ZFYVE28: variants seen among roughly 807,000 people sequenced by gnomAD.
ZFYVE28 encodes the protein zinc finger FYVE-type containing 28.
In ZFYVE28, 40 loss-of-function variants were observed where a neutral mutation model predicts 82.1. That is an observed-to-expected ratio of 0.49 (90% confidence interval 0.38 to 0.63). The LOEUF is 0.63. Ranked by LOEUF, ZFYVE28 falls within the 30% of genes least tolerant of loss-of-function variation. ZFYVE28 has a pLI of 0.00. For synonymous variants in ZFYVE28, 612 were observed against 546.1 expected, an observed-to-expected ratio of 1.12 and a Z score of -1.68; for missense variants, 1,321 against 1,242.1, an observed-to-expected ratio of 1.06 and a Z score of -0.96.
rs959325487 is a variant in ZFYVE28 at position 2,300,137 on chromosome 4, GACC to G, written c.2051+4149_2051+4151del. Among the ~76,000 whole-genome samples the G allele has an allele frequency of 6.6e-6, 1 of 152,146 alleles. No homozygotes were observed. The highest frequency in any genetic ancestry group is 6.5e-5 in the Admixed American group (1 of 15,278). The stretch of plus-strand genomic sequence containing the variant: ...TTCCAAAGTTTCTACAATGAACAGG[GACC>G]ACATCTATAATTAGCAAACAGGGAG... On this transcript the variant is annotated intron_variant, in intron 8 of 12. Coordinates refer to ENST00000290974, the MANE Select transcript of ZFYVE28 (RefSeq NM_020972.3). The surrounding 1 kb of genome is among the most constrained non-coding windows in gnomAD (Gnocchi z 4.6).
rs528479294 is a variant in ZFYVE28, at chr4:2,283,096, A to G, written c.2052-8880T>C. On this transcript the variant is annotated intron_variant, in intron 8 of 12. Coordinates refer to ENST00000290974, the MANE Select transcript of ZFYVE28 (RefSeq NM_020972.3). ...AATGGTGGGCTGGCTGCTTCTTGTA[A>G]AAGTCATCCATCCATCCACCCACCC... Among the ~76,000 whole-genome samples the G allele has an allele frequency of 4.7e-5, 3 of 64,102 alleles. No homozygotes were observed. In the South Asian group the frequency reaches 1.2e-3, roughly 26 times the overall value. 42.1% of individuals were successfully genotyped at this position (64,102 alleles called of 152,430 possible).
At chr4:2,296,564 G>T (rs1714600091) in intron 8 of ZFYVE28, among the ~76,000 whole-genome samples, 1 of 152,104 alleles carries the variant, frequency 6.6e-6, no homozygotes, top group South Asian at 2.1e-4. Flanking sequence ...CCAGGGGCAT[G>T]AAGTGGGTGG....
Position 2,394,294 on chromosome 4 carries a change from G to T in ZFYVE28, c.39+23991C>A, listed in dbSNP as rs1730188851. The stretch of plus-strand genomic sequence containing the variant: ...CACCTCATAGATTCATGGGTTCCAG[G>T]GATTCACACATGGACACCTTTGGGG... On this transcript the variant is annotated intron_variant, in intron 1 of 12. Transcript: ENST00000290974. This position sits in a 1 kb window ranked among gnomAD's most constrained non-coding sequence, Gnocchi z 4.0. Among the ~76,000 whole-genome samples, 1 of 152,130 alleles carries T rather than the reference G, an allele frequency of 6.6e-6. No individual in the cohort carries two copies. Among genetic ancestry groups the T allele is most frequent in the Admixed American group, 6.5e-5 (1 of 15,276 alleles).
intron 1 of ZFYVE28, among the ~76,000 whole-genome samples, chr4:2,359,931 G>C (rs1381552002): frequency 6.6e-6 from 1 of 152,164 alleles, no homozygotes; most frequent in Non-Finnish European, 1.5e-5. Context: ...TTCCCTGAAA[G>C]ACCCTGGGGA....
At position 2,361,383 on chromosome 4, in the gene ZFYVE28, G is replaced by A. The variant is rs550687152; in HGVS notation, c.40-7310C>T. ...CTAATGTGAGCTGTGGCTGCAGGTG[G>A]GAGGTGCGGGTTGGAGGCACGTGCA... On this transcript the variant is annotated intron_variant, in intron 1 of 12. Coordinates refer to ENST00000290974, the MANE Select transcript of ZFYVE28 (RefSeq NM_020972.3). Among the ~76,000 whole-genome samples, 8 of 152,346 alleles carry A rather than the reference G, an allele frequency of 5.3e-5. No homozygotes were observed. The South Asian group carries it at 8.3e-4, about 16-fold the overall frequency.
chr4:2,279,382 G>A (rs2108802101), intron 8 of ZFYVE28, among the ~76,000 whole-genome samples: 1 of 152,316 alleles, frequency 6.6e-6, no homozygotes, highest in South Asian at 2.1e-4. Context: ...AGTGAGCCAA[G>A]ATCGTGCCAT....
rs1258923667 is a variant in ZFYVE28 at position 2,336,904 on chromosome 4, A to T, written c.611+503T>A. ...GAGTGAGGAGGTGAGGTGAGGAGTT[A>T]GGAGGTGGGGAAGTGAGGAGGTGAG... On this transcript the variant is annotated intron_variant, in intron 5 of 12. Coordinates refer to ENST00000290974, the MANE Select transcript of ZFYVE28 (RefSeq NM_020972.3). 1.3e-4 allele frequency among the ~76,000 whole-genome samples: 15 copies of T among 117,718 alleles called. No homozygotes were observed. In the Admixed American group the frequency reaches 1.3e-3, roughly 10 times the overall value. 77.2% of individuals were successfully genotyped at this position (117,718 alleles called of 152,430 possible).
intron 1 of ZFYVE28, among the ~76,000 whole-genome samples, chr4:2,391,733 T>TCC (rs1729852220): frequency 1.0e-5 from 1 of 98,848 alleles, no homozygotes; most frequent in Non-Finnish European, 2.3e-5. Context: ...AAGTCAATTC[T>TCC]CTCTCTCTTT....
At chr4:2,333,162 C>T (rs1297514412) in intron 6 of ZFYVE28, among the ~76,000 whole-genome samples, 1 of 151,224 alleles carries the variant, frequency 6.6e-6, no homozygotes, top group Non-Finnish European at 1.5e-5. Flanking sequence ...GCCTCCCTCC[C>T]CAACCTCCCT....
At position 2,375,188 on chromosome 4, in the gene ZFYVE28, A is replaced by C. The variant is rs564853690; in HGVS notation, c.40-21115T>G. Among the ~76,000 whole-genome samples the C allele has an allele frequency of 1.5e-4, 23 of 152,170 alleles. 2 individuals carry two copies. The South Asian group carries it at 4.6e-3, about 30-fold the overall frequency. ...AATGCGGAGCCACCGTGGCTTTTCC[A>C]AGAAAGCTTTTCCCCGCAGCCTCGG... is the stretch of plus-strand genomic sequence containing the variant. On this transcript the variant is annotated intron_variant, in intron 1 of 12. Coordinates refer to ENST00000290974, the MANE Select transcript of ZFYVE28 (RefSeq NM_020972.3).
In ZFYVE28 at chr4:2,308,659, A is replaced by AAGAAAGAAAGAG. The variant is rs1716985707; in HGVS notation, c.804-3124_804-3123insCTCTTTCTTTCT. 3.9e-5 allele frequency among the ~76,000 whole-genome samples: 5 copies of AAGAAAGAAAGAG among 127,238 alleles called. No homozygotes were observed. The East Asian group carries it at 1.0e-3, about 26-fold the overall frequency. 83.5% of individuals were successfully genotyped at this position (127,238 alleles called of 152,430 possible). Reference sequence around the variant, plus strand: ...AAAGAAAGAAAGAAAGAAAGAAAGAAAGAAAGAAAGAAAGAAAGAGAAAGA... The same window carrying AAGAAAGAAAGAG: ...AAAGAAAGAAAGAAAGAAAGAAAGAAAGAAAGAAAGAGAGAAAGAAAGAAAGAAAGAGAAAGA... On this transcript the variant is annotated intron_variant, in intron 7 of 12. Coordinates refer to ENST00000290974, the MANE Select transcript of ZFYVE28 (RefSeq NM_020972.3).
Position 2,311,996 on chromosome 4 carries a change from A to G in ZFYVE28, c.804-6460T>C, listed in dbSNP as rs546409141. Among the ~76,000 whole-genome samples the G allele has an allele frequency of 3.3e-5, 5 of 152,306 alleles. No homozygotes were observed. In the South Asian group the frequency reaches 1.0e-3, roughly 32 times the overall value. ...AAGAAAATTAAAGGGGGCAAATTAG[A>G]TAAGAGGATGAAGAATTTAAACAGA... On this transcript the variant is annotated intron_variant, in intron 7 of 12. Coordinates refer to ENST00000290974, the MANE Select transcript of ZFYVE28 (RefSeq NM_020972.3).
chr4:2,377,272 C>T (rs1276129265), intron 1 of ZFYVE28, among the ~76,000 whole-genome samples: 4 of 150,646 alleles, frequency 2.7e-5, no homozygotes, highest in East Asian at 1.9e-4. Context: ...CCGCCCGCCT[C>T]GGCCTCCCAA....
At chr4:2,271,271 T>C in intron 12 of ZFYVE28, 40 bp downstream of exon 12, 2 of 1,594,038 alleles carry the variant, frequency 1.3e-6, no homozygotes, top group Non-Finnish European at 1.7e-6. Context: ...TGGACGCCCT[T>C]GGATGCTGAG....
intron 1 of ZFYVE28, among the ~76,000 whole-genome samples, chr4:2,399,742 C>T (rs966280004): frequency 2.6e-5 from 4 of 152,242 alleles, no homozygotes; most frequent in African/African-American, 7.2e-5. Context: ...CAGAGCAGAG[C>T]GGAAGAAACA....
intron 2 of ZFYVE28, among the ~76,000 whole-genome samples, chr4:2,351,576 T>C (rs1036276480): frequency 2.6e-5 from 4 of 152,118 alleles, no homozygotes; most frequent in Admixed American, 6.5e-5. Flanking sequence ...TAGCAGGGCA[T>C]GGTGGCGCAT....
In ZFYVE28 at chr4:2,337,412, C is replaced by T; in HGVS notation, c.606G>A (p.Val202=). 6.2e-7 allele frequency: 1 copy of T among 1,604,074 alleles called. No individual in the cohort carries two copies. Among genetic ancestry groups the T allele is most frequent in the Non-Finnish European group, 8.5e-7 (1 of 1,174,744 alleles). Residue 202 remains valine (V), a synonymous_variant, in exon 5 of 13, where the codon GTG becomes GTA. Transcript: ENST00000290974. The part of the protein sequence containing the change: ...QEVIVLFCET[V]ERALDFGYLT... ...CTAAGCATCCCTGTGCTCACCTCTC[C>T]ACCGTCTCGCAGAAGAGCACGATGA...
Position 2,319,393 on chromosome 4 carries a change from C to T in ZFYVE28, c.803+777G>A, listed in dbSNP as rs377466212. On this transcript the variant is annotated intron_variant, in intron 7 of 12. Transcript: ENST00000290974. ...CCCCAAGAGCTCACAACCCCATCTG[C>T]AAGGGTGACGAGGACCCCATAGCCC... Among the ~76,000 whole-genome samples the T allele has an allele frequency of 1.8e-4, 27 of 152,332 alleles. No homozygotes were observed. In the South Asian group the frequency reaches 5.6e-3, roughly 32 times the overall value.
chr4:2,399,106 T>A (rs1382228504), intron 1 of ZFYVE28, among the ~76,000 whole-genome samples: 1 of 6,262 alleles, frequency 1.6e-4, no homozygotes. Context: ...GGGCACAAGC[T>A]GGGGCAAGAT....
Sources: allele counts gnomAD v4.1 joint callset (sites outside exome capture counted in the v4.1 genomes callset), GRCh38; gene constraint gnomAD v4.1.1; non-coding constraint Gnocchi (gnomAD v3.1); transcripts MANE v1.5; gene names NCBI Gene and HGNC (gene_info 2026-07-23, HGNC 2026-07-21).